The following NPAS2 variants were observed in gnomAD, a reference collection of about 807,000 sequenced individuals.
NPAS2 encodes neuronal PAS domain-containing protein 2.
Under a neutral mutation model 107.5 loss-of-function variants are expected in NPAS2, and 23 were observed. The ratio of observed to expected loss-of-function variants is 0.21; its 90% CI spans 0.15 to 0.30. The LOEUF (loss-of-function observed/expected upper bound fraction) is 0.30. Among genes scored for constraint, NPAS2 ranks in the 10% least tolerant of loss-of-function variants. The pLI, the probability that NPAS2 is intolerant of heterozygous loss-of-function variation, is 1.00. For missense variants in NPAS2, 756 were observed against 1,043.3 expected (o/e 0.72, Z 3.79); for synonymous variants, 403 against 417.5 (o/e 0.97, Z 0.42).
chr2:100,957,531 C>T (rs552565851), intron 7 of NPAS2, among the ~76,000 whole-genome samples: 15 of 152,352 alleles, frequency 9.8e-5, no homozygotes, highest in East Asian at 5.8e-4. Context: ...GCTTCTCCAG[C>T]GAAATAGTGC....
intron 3 of NPAS2, among the ~76,000 whole-genome samples, chr2:100,925,864 A>G (rs1386817545): frequency 1.3e-5 from 2 of 152,212 alleles, no homozygotes; most frequent in African/African-American, 4.8e-5. Flanking sequence ...TATATTCACA[A>G]GGTGGTGTAA....
Position 100,995,908 on chromosome 2 carries a change from C to T in NPAS2, c.*326C>T. The T allele has an allele frequency of 7.0e-7, 1 of 1,434,830 alleles. No homozygotes were observed. Among genetic ancestry groups the T allele is most frequent in the Non-Finnish European group, 9.3e-7 (1 of 1,080,092 alleles). The allele number at this position is 1,434,830 out of a possible 1,614,324, so 88.9% of individuals were successfully genotyped here. ...CATCTCGCTGCATCCCCCGAGAGTA[C>T]ACCGGTTGCTCTAGCCACCTGCGGC... is the stretch of plus-strand genomic sequence containing the variant. On this transcript the variant is annotated 3_prime_UTR_variant, in exon 21 of 21. Transcript: ENST00000335681.
chr2:100,952,272 C>T (rs1401019103), intron 7 of NPAS2, among the ~76,000 whole-genome samples: 2 of 152,110 alleles, frequency 1.3e-5, no homozygotes, highest in African/African-American at 4.8e-5. Flanking sequence ...CCTCAGGGCA[C>T]CAAGACTGTG....
chr2:100,957,339 C>T (rs1188720059), intron 7 of NPAS2, among the ~76,000 whole-genome samples: 2 of 152,224 alleles, frequency 1.3e-5, no homozygotes, highest in Admixed American at 1.3e-4. Flanking sequence ...TGGACCTGGC[C>T]AGCCAGCAGC....
In NPAS2 at chr2:100,917,756, A is replaced by C. The variant is rs150840995; in HGVS notation, c.33-7390A>C. 3.4e-3 allele frequency among the ~76,000 whole-genome samples: 522 copies of C among 152,312 alleles called. 3 individuals are homozygous for C. The highest frequency in any genetic ancestry group is 5.6e-3 in the Non-Finnish European group (384 of 68,026). The stretch of plus-strand genomic sequence containing the variant: ...AAACCACGACTACCAAACTCACAAA[A>C]GATGAACGAGAAAACCTAGAGTCCT... On this transcript the variant is annotated intron_variant, in intron 2 of 20. Coordinates refer to ENST00000335681, the MANE Select transcript of NPAS2 (RefSeq NM_002518.4).
intron 3 of NPAS2, among the ~76,000 whole-genome samples, chr2:100,925,723 C>T (rs1286399405): frequency 6.6e-6 from 1 of 152,122 alleles, no homozygotes; most frequent in Non-Finnish European, 1.5e-5. Flanking sequence ...TGGTCTTTTG[C>T]GCTACATCAT....
chr2:100,945,029 C>T (rs1042861007), intron 5 of NPAS2, among the ~76,000 whole-genome samples: 1 of 152,170 alleles, frequency 6.6e-6, no homozygotes, highest in African/African-American at 2.4e-5. Context: ...CATCTGTGAA[C>T]ATGAGTCATC....
rs1678451509 is a variant in NPAS2 at position 100,996,618 on chromosome 2, A to G, written c.*1036A>G. On this transcript the variant is annotated 3_prime_UTR_variant, in exon 21 of 21. Transcript: ENST00000335681. ...TTATGTTGAGATGTTTCTAAAGAAA[A>G]GATTTTATGTAATTATAAGATGAAG... is the stretch of plus-strand genomic sequence containing the variant. The G allele has an allele frequency of 6.5e-6, 1 of 152,682 alleles. No individual in the cohort carries two copies. The highest frequency in any genetic ancestry group is 2.4e-5 in the African/African-American group (1 of 41,470). 9.5% of individuals were successfully genotyped at this position (152,682 alleles called of 1,614,324 possible).
intron 1 of NPAS2, among the ~76,000 whole-genome samples, chr2:100,844,653 CGTTTGGTT>C (rs1457372574): frequency 1.3e-5 from 2 of 152,018 alleles, no homozygotes; most frequent in African/African-American, 4.8e-5. Context: ...TATAGGGGAA[CGTTTGGTT>C]GTTTGAAATC....
rs191201503 is a variant in NPAS2 at position 100,968,451 on chromosome 2, C to T, written c.1055+23C>T. 4.0e-5 allele frequency: 65 copies of T among 1,606,594 alleles called. No homozygotes were observed. In the Admixed American group the frequency reaches 5.5e-4, roughly 14 times the overall value. On this transcript the variant is annotated intron_variant, in intron 11 of 20. Coordinates refer to ENST00000335681, the MANE Select transcript of NPAS2 (RefSeq NM_002518.4). This position sits in a 1 kb window ranked among gnomAD's most constrained non-coding sequence, Gnocchi z 5.3. ...CAGGTACCGCGCACGGGCAGGGGTG[C>T]GGCTGCGTCCTTGTCGCACCTGGGG...
chr2:100,960,952 C>T (rs1433090323), intron 7 of NPAS2, among the ~76,000 whole-genome samples: 2 of 152,136 alleles, frequency 1.3e-5, no homozygotes, highest in Non-Finnish European at 2.9e-5. Context: ...ATATATTTAG[C>T]TTTCGGCAAG....
At chr2:100,941,233 A>G (rs1418170867) in intron 5 of NPAS2, among the ~76,000 whole-genome samples, 1 of 152,228 alleles carries the variant, frequency 6.6e-6, no homozygotes, top group East Asian at 1.9e-4. Context: ...TTGGCAGAGA[A>G]AAAAGAGAAT....
Position 100,968,130 on chromosome 2 carries a change from G to A in NPAS2, c.908-151G>A. The A allele has an allele frequency of 1.4e-6, 1 of 734,076 alleles. No individual in the cohort carries two copies. The highest frequency in any genetic ancestry group is 2.3e-6 in the Non-Finnish European group (1 of 444,048). 45.5% of individuals were successfully genotyped at this position (734,076 alleles called of 1,614,324 possible). A position where few individuals can be genotyped will look rare whatever the true frequency, so the allele number is the denominator to read the frequency against. ...ATTCACGACAGTGTACCGTGATCCT[G>A]ACAGTCACTTAAAATACAGGGCAAC... On this transcript the variant is annotated intron_variant, in intron 10 of 20. Transcript: ENST00000335681. The surrounding 1 kb of genome is among the most constrained non-coding windows in gnomAD (Gnocchi z 5.3).
At chr2:100,910,442 CT>C (rs1180643418) in intron 2 of NPAS2, among the ~76,000 whole-genome samples, 1 of 152,084 alleles carries the variant, frequency 6.6e-6, no homozygotes, top group Non-Finnish European at 1.5e-5. Flanking sequence ...CAATAGTTCC[CT>C]AAGTTCTCCA....
At chr2:100,912,296 G>C (rs1431398119) in intron 2 of NPAS2, among the ~76,000 whole-genome samples, 2 of 151,628 alleles carry the variant, frequency 1.3e-5, no homozygotes, top group Non-Finnish European at 1.5e-5. Flanking sequence ...TCAGATTTGA[G>C]AAGCCTAGTG....
intron 7 of NPAS2, among the ~76,000 whole-genome samples, chr2:100,959,603 A>C (rs1333196636): frequency 6.6e-6 from 1 of 152,222 alleles, no homozygotes; most frequent in Non-Finnish European, 1.5e-5. Flanking sequence ...CAACATTCCA[A>C]AGCCATAGCC....
At chr2:100,904,293 G>A (rs1360538057) in intron 1 of NPAS2, among the ~76,000 whole-genome samples, 1 of 152,226 alleles carries the variant, frequency 6.6e-6, no homozygotes, top group African/African-American at 2.4e-5. Context: ...AACAGATGCT[G>A]CTTCACTGAG....
intron 2 of NPAS2, among the ~76,000 whole-genome samples, chr2:100,909,755 G>A (rs1369195616): frequency 6.7e-6 from 1 of 149,814 alleles, no homozygotes; most frequent in Non-Finnish European, 1.5e-5. Context: ...TTTTTTTATG[G>A]TTAAGGCAGC....
chr2:100,822,956 G>A (rs1382490176), intron 1 of NPAS2, among the ~76,000 whole-genome samples: 2 of 152,174 alleles, frequency 1.3e-5, no homozygotes, highest in Non-Finnish European at 2.9e-5. Context: ...GCTTACAGAA[G>A]TGTCTGATTA....
Sources: allele counts gnomAD v4.1 joint callset (sites outside exome capture counted in the v4.1 genomes callset), GRCh38; gene constraint gnomAD v4.1.1; non-coding constraint Gnocchi (gnomAD v3.1); transcripts MANE v1.5; gene names NCBI Gene and HGNC (gene_info 2026-07-23, HGNC 2026-07-21).